DRGX: variants seen among roughly 807,000 people sequenced by gnomAD.
DRGX encodes dorsal root ganglia homeobox protein.
In DRGX, 21 loss-of-function variants were observed where a neutral mutation model predicts 28.6. That is an observed-to-expected ratio of 0.73 (90% CI 0.52 to 1.06). The LOEUF is 1.06. Among genes scored for constraint, DRGX ranks in the 50% least tolerant of loss-of-function variants. The pLI is 0.00. For missense variants in DRGX, 354 were observed against 343.9 expected (o/e 1.03, Z -0.23); for synonymous variants, 136 against 139.1 (o/e 0.98, Z 0.16).
chr10:49,374,384 G>A (rs1310795949), intron 6 of DRGX, among the ~76,000 whole-genome samples: 3 of 152,100 alleles, frequency 2.0e-5, no homozygotes, highest in South Asian at 2.1e-4. Flanking sequence ...TCCCATTTGT[G>A]TGGACCAAAG....
At chr10:49,375,009 A>T (rs1849701952) in intron 6 of DRGX, among the ~76,000 whole-genome samples, 1 of 152,244 alleles carries the variant, frequency 6.6e-6, no homozygotes, top group Non-Finnish European at 1.5e-5. Flanking sequence ...CCAGTTCCTT[A>T]TAGTTCACAA....
At chr10:49,381,459 G>C (rs1162082810) in intron 6 of DRGX, among the ~76,000 whole-genome samples, 1 of 152,222 alleles carries the variant, frequency 6.6e-6, no homozygotes, top group Non-Finnish European at 1.5e-5. Flanking sequence ...TCTCATGCAC[G>C]TGCTGCCCCA....
Position 49,366,077 on chromosome 10 carries a change from G to A in DRGX, c.*39C>T, listed in dbSNP as rs528433437. The A allele has an allele frequency of 4.6e-6, 7 of 1,509,014 alleles. No homozygotes were observed. In the East Asian group the frequency reaches 1.6e-4, roughly 35 times the overall value. The allele number at this position is 1,509,014 out of a possible 1,614,324, so 93.5% of individuals were successfully genotyped here. Reference sequence around the variant, plus strand: ...TAGGGGCTGAGGCTGGGAGAAGGAGGGGCGGGGGAGGGCAGGCCGGGCGGG... The same window carrying A: ...TAGGGGCTGAGGCTGGGAGAAGGAGAGGCGGGGGAGGGCAGGCCGGGCGGG... On this transcript the variant is annotated 3_prime_UTR_variant, in exon 7 of 7. Coordinates refer to ENST00000374139, the MANE Select transcript of DRGX (RefSeq NM_001276451.2).
At chr10:49,392,698 C>T (rs760588930) in intron 2 of DRGX, among the ~76,000 whole-genome samples, 1 of 152,030 alleles carries the variant, frequency 6.6e-6, no homozygotes, top group Non-Finnish European at 1.5e-5. Context: ...CACTGCATGT[C>T]GAACTGAATC....
At chr10:49,378,302 G>C (rs1308426148) in intron 6 of DRGX, among the ~76,000 whole-genome samples, 1 of 152,130 alleles carries the variant, frequency 6.6e-6, no homozygotes, top group Non-Finnish European at 1.5e-5. Flanking sequence ...GCTTCCTCAT[G>C]AGATCAATAA....
intron 6 of DRGX, among the ~76,000 whole-genome samples, chr10:49,385,642 C>T (rs1849824124): frequency 6.6e-6 from 1 of 152,026 alleles, no homozygotes; most frequent in Non-Finnish European, 1.5e-5. Context: ...GCAGGGAGAC[C>T]TCAGGCGTTA....
intron 2 of DRGX, among the ~76,000 whole-genome samples, chr10:49,392,404 T>C (rs1157492891): frequency 6.6e-6 from 1 of 152,234 alleles, no homozygotes; most frequent in East Asian, 1.9e-4. Flanking sequence ...GCTAAAGCGT[T>C]CTCCTTCCAT....
intron 6 of DRGX, among the ~76,000 whole-genome samples, chr10:49,377,905 T>G (rs1406953470): frequency 6.6e-6 from 1 of 152,108 alleles, no homozygotes; most frequent in Admixed American, 6.5e-5. Flanking sequence ...GAATGGAGAT[T>G]ATAAGAAAAA....
At chr10:49,381,029 C>G (rs192634354) in intron 6 of DRGX, among the ~76,000 whole-genome samples, 16 of 152,336 alleles carry the variant, frequency 1.1e-4, no homozygotes, top group Admixed American at 5.9e-4. Flanking sequence ...AAGTACAGAG[C>G]GTTTCAGTGA....
In DRGX at chr10:49,366,263, C is replaced by A. The variant is rs2132466796; in HGVS notation, c.645G>T (p.Glu215Asp). Reference sequence around the variant, plus strand: ...CTGACTGCAGGACAGCTTCTGAGTGCTCGCGGGCCTTCATGCGCAGGGTGG... The same window carrying A: ...CTGACTGCAGGACAGCTTCTGAGTGATCGCGGGCCTTCATGCGCAGGGTGG... ...SVATLRMKAR[E>D]HSEAVLQSAN... Residue 215 changes from glutamate (E) to aspartate (D), a missense_variant, in exon 7 of 7, where the codon GAG (glutamate) becomes GAT (aspartate). Coordinates refer to ENST00000374139, the MANE Select transcript of DRGX (RefSeq NM_001276451.2). 6.2e-7 allele frequency: 1 copy of A among 1,613,980 alleles called. No individual in the cohort carries two copies. The highest frequency in any genetic ancestry group is 8.5e-7 in the Non-Finnish European group (1 of 1,179,884).
At chr10:49,376,437 T>C (rs7081240) in intron 6 of DRGX, among the ~76,000 whole-genome samples, 150,995 of 152,230 alleles carry the variant, frequency 0.99, 74,897 homozygotes, top group Middle Eastern at 1. Context: ...CTATGTGCTG[T>C]CCACACACCA....
At chr10:49,372,570 G>A (rs1849671749) in intron 6 of DRGX, among the ~76,000 whole-genome samples, 1 of 152,128 alleles carries the variant, frequency 6.6e-6, no homozygotes, top group Non-Finnish European at 1.5e-5. Context: ...CAAATTAAAG[G>A]ACAATTCTAA....
At chr10:49,375,070 T>G (rs1849702693) in intron 6 of DRGX, among the ~76,000 whole-genome samples, 1 of 152,226 alleles carries the variant, frequency 6.6e-6, no homozygotes, top group South Asian at 2.1e-4. Flanking sequence ...TTAAGCATAC[T>G]TTTAGCTGCT....
intron 4 of DRGX, among the ~76,000 whole-genome samples, chr10:49,387,555 C>T (rs1393659113): frequency 6.6e-6 from 1 of 151,386 alleles, no homozygotes; most frequent in Non-Finnish European, 1.5e-5. Flanking sequence ...CCCAGCTATT[C>T]AGGAGGCTGA....
intron 4 of DRGX, 60 bp from the exon 5 acceptor site, chr10:49,386,918 C>T (rs1849846700): frequency 1.3e-6 from 2 of 1,493,182 alleles, no homozygotes; most frequent in African/African-American, 1.4e-5. Context: ...GAAGCCAGAA[C>T]CCTGGACCCA....
Position 49,364,721 on chromosome 10 carries a change from T to C in DRGX, c.*1395A>G, listed in dbSNP as rs958305025. 1.3e-5 allele frequency: 2 copies of C among 152,098 alleles called. No homozygotes were observed. Among genetic ancestry groups the C allele is most frequent in the African/African-American group, 4.8e-5 (2 of 41,468 alleles). 9.4% of individuals were successfully genotyped at this position (152,098 alleles called of 1,614,324 possible). On this transcript the variant is annotated 3_prime_UTR_variant, in exon 7 of 7. Transcript: ENST00000374139. ...TTTATCAAATGCTTCGTAGTGATCA[T>C]AGACAAGGCATGATACACTCAGGAG...
In DRGX at chr10:49,386,724, C is replaced by T. The variant is rs1344173706; in HGVS notation, c.369G>A (p.Gly123=). The T allele has an allele frequency of 2.5e-6, 4 of 1,599,468 alleles. No individual in the cohort carries two copies. Among genetic ancestry groups the T allele is most frequent in the Admixed American group, 1.7e-5 (1 of 57,952 alleles). Residue 123 remains glycine, a synonymous_variant, in exon 5 of 7, where the codon GGG becomes GGA. Transcript: ENST00000374139. Reference sequence around the variant, plus strand: ...CCTCCTTCTTACTCCGGGCTTGGTCCCCAGGGGGCGGGGAGTTGATGTTTC... The same window carrying T: ...CCTCCTTCTTACTCCGGGCTTGGTCTCCAGGGGGCGGGGAGTTGATGTTTC... ...PVRNINSPPP[G]DQARSKKEAL... is the part of the protein sequence containing the mutation.
chr10:49,395,217 G>C (rs994721819), intron 2 of DRGX, among the ~76,000 whole-genome samples, 190 bp downstream of exon 2: 1 of 152,152 alleles, frequency 6.6e-6, no homozygotes, highest in Admixed American at 6.5e-5. Context: ...GGCAGGTGGC[G>C]ACGGGGCGGG....
At chr10:49,376,647 C>T (rs191825819) in intron 6 of DRGX, among the ~76,000 whole-genome samples, 2 of 152,318 alleles carry the variant, frequency 1.3e-5, no homozygotes, top group Admixed American at 6.5e-5. Flanking sequence ...TGCATGGGCA[C>T]CATTAGGTAT....
Sources: allele counts gnomAD v4.1 joint callset (sites outside exome capture counted in the v4.1 genomes callset), GRCh38; gene constraint gnomAD v4.1.1; transcripts MANE v1.5; gene names NCBI Gene and HGNC (gene_info 2026-07-23, HGNC 2026-07-21).